The following BAG4 variants were observed in gnomAD, a reference collection of about 807,000 sequenced individuals.
BAG4 encodes the protein BAG family molecular chaperone regulator 4.
BAG4 carries 28 observed loss-of-function variants against 52.1 expected under a neutral mutation model. The ratio of observed to expected loss-of-function variants is 0.54; its 90% CI spans 0.40 to 0.74. The LOEUF is 0.74. Ranked by LOEUF, BAG4 falls within the 30% of genes least tolerant of loss-of-function variation. The pLI is 0.00. For synonymous variants in BAG4, 208 were observed against 217.0 expected (o/e 0.96, Z 0.37); for missense variants, 525 against 572.0 (o/e 0.92, Z 0.84).
chr8:38,201,864 ATATATATATATATATAT>A (rs1785656061), intron 2 of BAG4: 1 of 6,036 alleles, frequency 1.7e-4, no homozygotes, highest in Non-Finnish European at 4.4e-4. Context: ...ATATATATAT[ATATATATATATATATAT>A]TTTTTTTTTT....
At chr8:38,200,081 C>G (rs935464092) in intron 2 of BAG4, among the ~76,000 whole-genome samples, 1 of 151,282 alleles carries the variant, frequency 6.6e-6, no homozygotes, top group African/African-American at 2.4e-5. Context: ...TCTCTGCTCA[C>G]TGAAACCTCT....
intron 2 of BAG4, among the ~76,000 whole-genome samples, chr8:38,199,032 T>C (rs1803615250): frequency 1.3e-5 from 2 of 152,308 alleles, no homozygotes; most frequent in South Asian, 4.1e-4. Flanking sequence ...GAGTACATGC[T>C]AAGATAATGA....
At chr8:38,199,162 T>A (rs745875932) in intron 2 of BAG4, among the ~76,000 whole-genome samples, 9 of 152,342 alleles carry the variant, frequency 5.9e-5, no homozygotes, top group Non-Finnish European at 1.2e-4. Flanking sequence ...GCAAGTTTGT[T>A]TACACCAGCG....
intron 1 of BAG4, among the ~76,000 whole-genome samples, chr8:38,179,582 A>G (rs1008107150): frequency 1.3e-5 from 2 of 149,754 alleles, no homozygotes; most frequent in Non-Finnish European, 3.0e-5. Context: ...CCTGGCCCAC[A>G]TGGCAAAACC....
At chr8:38,190,214 A>G (rs1178185549) in intron 1 of BAG4, among the ~76,000 whole-genome samples, 2 of 152,200 alleles carry the variant, frequency 1.3e-5, no homozygotes, top group Non-Finnish European at 2.9e-5. Context: ...GTTCCCAATA[A>G]CACTACTGTA....
intron 2 of BAG4, among the ~76,000 whole-genome samples, chr8:38,203,314 A>G (rs1421704583): frequency 1.6e-5 from 2 of 123,874 alleles, no homozygotes; most frequent in Non-Finnish European, 3.2e-5. Context: ...ACAGAGTTTC[A>G]CTCTGTCGCC....
Position 38,209,171 on chromosome 8 carries a change from A to T in BAG4, c.792A>T (p.Ala264=), listed in dbSNP as rs1421658914. 1.2e-6 allele frequency: 2 copies of T among 1,613,994 alleles called. No homozygotes were observed. Among genetic ancestry groups the T allele is most frequent in the South Asian group, 2.2e-5 (2 of 91,080 alleles). ...RYPWPSSAPS[A]PPGNLYMTES... is the part of the protein sequence containing the mutation. ...CCTGGCCTTCATCAGCGCCCTCAGC[A>T]CCACCCGGCAATCTCTACATGACTG... The change falls in exon 4 of 5, where the codon GCA becomes GCT. Residue 264 remains alanine (A), a synonymous_variant. Coordinates refer to ENST00000287322, the MANE Select transcript of BAG4 (RefSeq NM_004874.4).
intron 1 of BAG4, among the ~76,000 whole-genome samples, chr8:38,180,823 T>C (rs1226078270): frequency 6.6e-6 from 1 of 152,164 alleles, no homozygotes; most frequent in Non-Finnish European, 1.5e-5. Context: ...ACATTAATAT[T>C]TCAGAAGCAT....
At position 38,177,255 on chromosome 8, in the gene BAG4, G is replaced by A. The variant is rs143749283; in HGVS notation, c.270+116G>A. Reference sequence around the variant, plus strand: ...TGTGGAGGAGGGTGTGTTGCGGGGGGTGTTGGAGAGACCGAGACTAAGATC... The same window carrying A: ...TGTGGAGGAGGGTGTGTTGCGGGGGATGTTGGAGAGACCGAGACTAAGATC... On this transcript the variant is annotated intron_variant, in intron 1 of 4. Coordinates refer to ENST00000287322, the MANE Select transcript of BAG4 (RefSeq NM_004874.4). The A allele has an allele frequency of 6.6e-4, 905 of 1,379,266 alleles. 14 individuals are homozygous for A. The Middle Eastern group carries it at 0.014, about 21-fold the overall frequency. The allele number at this position is 1,379,266 out of a possible 1,614,324, so 85.4% of individuals were successfully genotyped here. A position where few individuals can be genotyped will look rare whatever the true frequency, so the allele number is the denominator to read the frequency against.
chr8:38,192,426 C>G (rs1453534422), intron 1 of BAG4, among the ~76,000 whole-genome samples: 1 of 151,952 alleles, frequency 6.6e-6, no homozygotes, highest in Non-Finnish European at 1.5e-5. Flanking sequence ...TAGTTGGGGT[C>G]CTATTCCCTT....
At chr8:38,181,915 A>T in intron 1 of BAG4, among the ~76,000 whole-genome samples, 1 of 134,680 alleles carries the variant, frequency 7.4e-6, no homozygotes, top group Non-Finnish European at 1.6e-5. Flanking sequence ...AAAAAAAAAA[A>T]AGGAAGTAAG....
chr8:38,178,166 T>TC (rs1394090366), intron 1 of BAG4, among the ~76,000 whole-genome samples: 3 of 151,718 alleles, frequency 2.0e-5, no homozygotes, highest in African/African-American at 7.3e-5. Flanking sequence ...TTTGTTTTTT[T>TC]TTTTTTTGAG....
chr8:38,204,529 A>G (rs1012759212), intron 2 of BAG4, among the ~76,000 whole-genome samples: 1 of 151,568 alleles, frequency 6.6e-6, no homozygotes, highest in Non-Finnish European at 1.5e-5. Flanking sequence ...ATGGCCAGGC[A>G]TGGTATAATC....
intron 4 of BAG4, 58 bp downstream of exon 4, chr8:38,209,325 G>T (rs1803829308): frequency 6.2e-7 from 1 of 1,602,084 alleles, no homozygotes; most frequent in Non-Finnish European, 8.5e-7. Flanking sequence ...ACATAACATG[G>T]TTTATATAGT....
At chr8:38,180,025 A>G (rs1563278503) in intron 1 of BAG4, among the ~76,000 whole-genome samples, 1 of 152,158 alleles carries the variant, frequency 6.6e-6, no homozygotes, top group Non-Finnish European at 1.5e-5. Flanking sequence ...AGCATTGTGT[A>G]AGGGGTTGTC....
chr8:38,180,996 G>A (rs1438471454), intron 1 of BAG4, among the ~76,000 whole-genome samples: 1 of 148,470 alleles, frequency 6.7e-6, no homozygotes, highest in East Asian at 2.0e-4. Context: ...GCTGGAGTGC[G>A]GTGGCCTGAT....
chr8:38,181,192 T>C (rs7830233), intron 1 of BAG4, among the ~76,000 whole-genome samples: 36,539 of 151,334 alleles, frequency 0.24, 4,577 homozygotes, highest in East Asian at 0.31. Context: ...CCGCCCGCCT[T>C]GGCTGGGATT....
At chr8:38,198,180 C>A (rs1281060916) in intron 2 of BAG4, among the ~76,000 whole-genome samples, 1 of 151,438 alleles carries the variant, frequency 6.6e-6, no homozygotes, top group East Asian at 2.0e-4. Flanking sequence ...GTCAGGAAAT[C>A]GAGACCATCC....
Position 38,176,931 on chromosome 8 carries a change from A to T in BAG4, c.62A>T (p.Tyr21Phe). The T allele has an allele frequency of 6.4e-7, 1 of 1,552,424 alleles. No homozygotes were observed. Among genetic ancestry groups the T allele is most frequent in the Non-Finnish European group, 8.7e-7 (1 of 1,148,284 alleles). ...PSDGPSYGRY[Y>F]GPGGGDVPVH... ...GACGGTCCGTCCTACGGCCGCTACT[A>T]CGGGCCTGGGGGTGGAGATGTGCCG... The change falls in exon 1 of 5, where the codon TAC (tyrosine) becomes TTC (phenylalanine). Residue 21 changes from tyrosine (Y) to phenylalanine (F), a missense_variant. By Grantham distance (22) the Tyr-to-Phe change is conservative. This residue lies in a region of BAG4 where 287 missense variants were observed against 266.1 expected (regional missense o/e 1.08). Coordinates refer to ENST00000287322, the MANE Select transcript of BAG4 (RefSeq NM_004874.4).
Sources: gnomAD v4.1 joint callset for allele counts (sites outside exome capture counted in the v4.1 genomes callset) on GRCh38, gnomAD v4.1.1 for gene constraint, gnomAD v4.1.1 regional missense constraint, MANE v1.5 for transcripts, NCBI Gene and HGNC (gene_info 2026-07-23, HGNC 2026-07-21) for gene names.